CLIC2: variants seen among roughly 807,000 people sequenced by gnomAD.
CLIC2 encodes the protein chloride intracellular channel protein 2.
Under a neutral mutation model 14.8 loss-of-function variants are expected in CLIC2, and 9 were observed. The observed-to-expected ratio is 0.61, with a 90% confidence interval of 0.37 to 1.06. CLIC2 has a LOEUF of 1.06. Ranked by LOEUF, CLIC2 falls within the 50% of genes least tolerant of loss-of-function variation. CLIC2 has a pLI of 0.01. For synonymous variants in CLIC2, 61 were observed against 66.3 expected, an observed-to-expected ratio of 0.92 and a Z score of 0.39; for missense variants, 148 against 181.4, an observed-to-expected ratio of 0.82 and a Z score of 1.06.
chrX:155,314,815 A>C (rs1453186853), intron 1 of CLIC2, among the ~76,000 whole-genome samples: 1 of 111,916 alleles, frequency 8.9e-6, no homozygotes. Flanking sequence ...CAACTTAAAG[A>C]AATCATAAAC....
chrX:155,278,450 A>C (rs1022717054), intron 5 of CLIC2, among the ~76,000 whole-genome samples: 1 of 112,063 alleles, frequency 8.9e-6, no homozygotes, highest in African/African-American at 3.2e-5. Flanking sequence ...TATGCAATAA[A>C]TATTTATTAA....
chrX:155,304,261 T>C (rs1315604706), intron 1 of CLIC2, among the ~76,000 whole-genome samples: 1 of 102,529 alleles, frequency 9.8e-6, no homozygotes, highest in Non-Finnish European at 2.0e-5. Context: ...CCCATATTTC[T>C]TGGAGGCTTT....
intron 3 of CLIC2, chrX:155,290,315 C>T (rs1417905462): frequency 3.4e-6 from 1 of 298,195 alleles, no homozygotes; most frequent in African/African-American, 2.7e-5. Flanking sequence ...GAAAGCTGGA[C>T]TTTTAAAAAA....
chrX:155,287,390 A>G (rs1209464063), intron 3 of CLIC2, among the ~76,000 whole-genome samples: 12 of 110,870 alleles, frequency 1.1e-4, no homozygotes, highest in African/African-American at 3.9e-4. Flanking sequence ...CTGGAGTGCA[A>G]TGACGTGATC....
intron 3 of CLIC2, among the ~76,000 whole-genome samples, chrX:155,288,935 G>A (rs1569561249): frequency 9.1e-6 from 1 of 110,328 alleles, no homozygotes; most frequent in African/African-American, 3.3e-5. Context: ...ACCTGAGGTC[G>A]GGAGTTCACA....
intron 3 of CLIC2, among the ~76,000 whole-genome samples, chrX:155,293,709 G>T (rs113313431): frequency 0.036 from 3,991 of 111,605 alleles, 90 homozygotes; most frequent in Middle Eastern, 0.065. Flanking sequence ...ACTGAAATGG[G>T]TTGATAAAGA....
At chrX:155,293,848 C>CA (rs1422943527) in intron 3 of CLIC2, among the ~76,000 whole-genome samples, 12 of 111,211 alleles carry the variant, frequency 1.1e-4, no homozygotes, top group Admixed American at 4.8e-4. Flanking sequence ...ATCAACCCAG[C>CA]AAAAAAGATA....
chrX:155,309,807 A>G (rs2075067787), intron 1 of CLIC2, among the ~76,000 whole-genome samples: 1 of 111,797 alleles, frequency 8.9e-6, no homozygotes, highest in African/African-American at 3.3e-5. Context: ...TTACAATTCA[A>G]GATGAAATTT....
intron 3 of CLIC2, 146 bp from the exon 4 acceptor site, chrX:155,280,214 AT>A: frequency 2.1e-6 from 1 of 466,428 alleles, no homozygotes; most frequent in South Asian, 3.2e-5. Flanking sequence ...AGAAGTTTAT[AT>A]TTTTTCCAAT....
Position 155,296,188 on chromosome X carries a change from T to G in CLIC2, c.293+2597A>C, listed in dbSNP as rs782155441. 2.2e-4 allele frequency among the ~76,000 whole-genome samples: 25 copies of G among 111,787 alleles called. No individual in the cohort carries two copies. The Middle Eastern group carries it at 0.014, about 62-fold the overall frequency. On this transcript the variant is annotated intron_variant, in intron 3 of 5. Coordinates refer to ENST00000369449, the MANE Select transcript of CLIC2 (RefSeq NM_001289.6). Reference sequence around the variant, plus strand: ...TAGACACACAGAGCAATGGTCAGAATAGAGAACCTAGAAATAAATTCACAT... The same window carrying G: ...TAGACACACAGAGCAATGGTCAGAAGAGAGAACCTAGAAATAAATTCACAT...
chrX:155,299,881 C>T (rs1188866893), intron 1 of CLIC2, among the ~76,000 whole-genome samples: 1 of 108,673 alleles, frequency 9.2e-6, no homozygotes, highest in Non-Finnish European at 1.9e-5. Context: ...CCAATTTCAT[C>T]CATGTCCCTA....
chrX:155,314,273 C>A (rs928602607), intron 1 of CLIC2, among the ~76,000 whole-genome samples: 1 of 111,709 alleles, frequency 9.0e-6, no homozygotes, highest in Non-Finnish European at 1.9e-5. Context: ...GGAGGCCAAC[C>A]AATACAAATC....
chrX:155,302,241 T>C (rs1357714102), intron 1 of CLIC2, among the ~76,000 whole-genome samples: 1 of 108,725 alleles, frequency 9.2e-6, no homozygotes, highest in Non-Finnish European at 1.9e-5. Context: ...CTATTGATTA[T>C]TTCCACAATT....
chrX:155,285,817 A>ATTTC (rs60409049), intron 3 of CLIC2, among the ~76,000 whole-genome samples: 3 of 109,087 alleles, frequency 2.8e-5, no homozygotes, highest in Non-Finnish European at 3.8e-5. Context: ...TAAAAACCAT[A>ATTTC]TTTCTTTCTT....
intron 1 of CLIC2, among the ~76,000 whole-genome samples, chrX:155,333,019 C>T (rs1289569212): frequency 6.2e-5 from 7 of 112,138 alleles, no homozygotes; most frequent in African/African-American, 1.9e-4. Flanking sequence ...TAGAAGAAGT[C>T]GCTCTTATGC....
chrX:155,332,063 T>C (rs782628247), intron 1 of CLIC2, among the ~76,000 whole-genome samples: 1 of 111,556 alleles, frequency 9.0e-6, no homozygotes, highest in Non-Finnish European at 1.9e-5. Context: ...CAACAAATCA[T>C]TAAGATTATT....
intron 3 of CLIC2, chrX:155,291,120 A>G: frequency 1.0e-6 from 1 of 1,000,905 alleles, no homozygotes. Context: ...AAACCATGCA[A>G]TGAATATCCA....
At chrX:155,333,670 A>G (rs1316901029) in intron 1 of CLIC2, among the ~76,000 whole-genome samples, 3 of 105,802 alleles carry the variant, frequency 2.8e-5, no homozygotes, top group African/African-American at 1.0e-4. Flanking sequence ...TTGGAAACAC[A>G]TGTTCCTTTC....
intron 1 of CLIC2, among the ~76,000 whole-genome samples, chrX:155,302,247 C>A (rs1382555876): frequency 9.5e-6 from 1 of 105,386 alleles, no homozygotes; most frequent in African/African-American, 3.4e-5. Flanking sequence ...ATTATTTCCA[C>A]AATTTCAGCT....
Sources: gnomAD v4.1 joint callset for allele counts (sites outside exome capture counted in the v4.1 genomes callset) on GRCh38, gnomAD v4.1.1 for gene constraint, MANE v1.5 for transcripts, NCBI Gene and HGNC (gene_info 2026-07-23, HGNC 2026-07-21) for gene names.